PAK3: variants seen among roughly 807,000 people sequenced by gnomAD.
PAK3 encodes the protein serine/threonine-protein kinase PAK 3.
In PAK3, 4 loss-of-function variants were observed where a neutral mutation model predicts 41.0. That is an observed-to-expected ratio of 0.10 (90% CI 0.05 to 0.22). PAK3 has a LOEUF of 0.22. PAK3 is among the 10% of genes least tolerant of loss of function. The probability of loss-of-function intolerance (pLI) is 1.00; values close to 1 mark genes in which losing one functional copy is unlikely to be tolerated. For missense variants in PAK3, 205 were observed against 409.9 expected, an observed-to-expected ratio of 0.50 and a Z score of 4.32; for synonymous variants, 146 against 139.6, an observed-to-expected ratio of 1.05 and a Z score of -0.32.
At chrX:111,162,393 G>A (rs1425753445) in intron 8 of PAK3, among the ~76,000 whole-genome samples, 1 of 111,678 alleles carries the variant, frequency 9.0e-6, no homozygotes, top group East Asian at 2.8e-4. Flanking sequence ...CTTCTTTCCA[G>A]GAGGCTGGAC....
intron 1 of PAK3, among the ~76,000 whole-genome samples, chrX:110,982,614 GT>G (rs1285334094): frequency 4.5e-5 from 5 of 112,098 alleles, no homozygotes; most frequent in African/African-American, 9.7e-5. Flanking sequence ...GTTTTGTTTT[GT>G]TTTGTTTTGC....
chrX:110,966,321 C>G (rs2091080725), intron 1 of PAK3, among the ~76,000 whole-genome samples: 4 of 110,779 alleles, frequency 3.6e-5, no homozygotes, highest in African/African-American at 9.9e-5. Context: ...TCTCTGCCCA[C>G]CAAACCACCT....
intron 11 of PAK3, among the ~76,000 whole-genome samples, chrX:111,179,774 TA>T (rs1414726831): frequency 8.9e-6 from 1 of 111,952 alleles, no homozygotes; most frequent in East Asian, 2.8e-4. Context: ...TATTGCCTTG[TA>T]AAATGTGGCA....
At chrX:111,192,273 G>A in intron 12 of PAK3, 98 bp downstream of exon 12, 1 of 613,528 alleles carries the variant, frequency 1.6e-6, no homozygotes, top group Non-Finnish European at 2.8e-6. Context: ...AAAATGGGTA[G>A]CACTGGGTTG....
chrX:110,976,714 G>A (rs2091338260), intron 1 of PAK3, among the ~76,000 whole-genome samples: 1 of 111,689 alleles, frequency 9.0e-6, no homozygotes. Flanking sequence ...CAACCCAAAT[G>A]TCCATCAATG....
At chrX:111,000,604 GT>G (rs2091829911) in intron 1 of PAK3, among the ~76,000 whole-genome samples, 1 of 111,895 alleles carries the variant, frequency 8.9e-6, no homozygotes, top group Non-Finnish European at 1.9e-5. Flanking sequence ...AATAAGGTCT[GT>G]AGATGAGTTA....
chrX:111,061,961 C>A (rs934697079), intron 1 of PAK3, among the ~76,000 whole-genome samples: 3 of 110,061 alleles, frequency 2.7e-5, no homozygotes, highest in Non-Finnish European at 5.7e-5. Context: ...ACTACAGGCA[C>A]CCACCATAAC....
chrX:111,121,092 T>C (rs1201984870), intron 4 of PAK3, among the ~76,000 whole-genome samples: 1 of 112,480 alleles, frequency 8.9e-6, no homozygotes, highest in East Asian at 2.8e-4. Context: ...CTAGTACCGA[T>C]AGTATCTCTG....
intron 17 of PAK3, among the ~76,000 whole-genome samples, chrX:111,218,202 TTG>T (rs753482582): frequency 1.8e-5 from 2 of 111,931 alleles, no homozygotes; most frequent in East Asian, 5.6e-4. Flanking sequence ...TCTTCAATAT[TTG>T]TGTGTCTTTC....
chrX:111,162,829 T>G, intron 8 of PAK3, 86 bp from the exon 9 acceptor site: 1 of 903,380 alleles, frequency 1.1e-6, no homozygotes, highest in Non-Finnish European at 1.6e-6. Flanking sequence ...CCTACATGCT[T>G]AAATATTTCA....
chrX:111,073,278 A>G (rs1948656991), intron 1 of PAK3, among the ~76,000 whole-genome samples: 1 of 112,117 alleles, frequency 8.9e-6, no homozygotes, highest in Admixed American at 9.5e-5. Context: ...TCAAAAAAGA[A>G]GATCTTAAAT....
chrX:111,005,162 A>G (rs1040393599), intron 1 of PAK3, among the ~76,000 whole-genome samples: 5 of 111,812 alleles, frequency 4.5e-5, no homozygotes, highest in Non-Finnish European at 9.4e-5. Context: ...AATCTGGACT[A>G]AATTCCCTCT....
intron 1 of PAK3, among the ~76,000 whole-genome samples, chrX:110,969,073 A>G (rs1390676919): frequency 7.9e-5 from 7 of 88,750 alleles, no homozygotes; most frequent in Middle Eastern, 0.021. Context: ...GATTAAAGGC[A>G]TGTGCTACCA....
Position 111,152,446 on chromosome X carries a change from C to T in PAK3, c.467C>T (p.Ser156Leu), listed in dbSNP as rs139949467. ...CATGGATACATAGCAGCCCATCCTT[C>T]GGTAAGTGAAAAATTGAAAACTGTT... ...SAHGYIAAHPSSTKTASEPPL... is the reference protein window; with the variant it reads ...SAHGYIAAHPLSTKTASEPPL... The change falls in exon 8 of 18, where the codon TCG (serine) becomes TTG (leucine). Residue 156 changes from serine to leucine, a missense_variant and splice_region_variant. Ser to Leu is a moderately radical substitution (Grantham distance 145, BLOSUM62 -2). Transcript: ENST00000372007. 9 of 1,157,149 alleles carry T rather than the reference C, an allele frequency of 7.8e-6. No homozygotes were observed. Among genetic ancestry groups the T allele is most frequent in the East Asian group, 6.0e-5 (2 of 33,454 alleles).
chrX:110,983,048 G>A (rs1008538027), intron 1 of PAK3, among the ~76,000 whole-genome samples: 1 of 111,130 alleles, frequency 9.0e-6, no homozygotes, highest in Non-Finnish European at 1.9e-5. Context: ...AGCTTCACCT[G>A]CTGGCACTGA....
At chrX:111,032,795 C>A (rs2092355051) in intron 1 of PAK3, among the ~76,000 whole-genome samples, 1 of 110,502 alleles carries the variant, frequency 9.0e-6, no homozygotes, top group African/African-American at 3.3e-5. Context: ...GGTCAGCTCA[C>A]GGGTAACTCA....
At chrX:110,996,709 C>T (rs1007086551) in intron 1 of PAK3, among the ~76,000 whole-genome samples, 1 of 111,570 alleles carries the variant, frequency 9.0e-6, no homozygotes, top group Non-Finnish European at 1.9e-5. Context: ...TATAAGCATA[C>T]AATGAGATGG....
Position 111,203,622 on chromosome X carries a change from T to C in PAK3, c.1407+6982T>C, listed in dbSNP as rs751765371. On this transcript the variant is annotated intron_variant, in intron 16 of 17. Coordinates refer to ENST00000372007, the MANE Select transcript of PAK3 (RefSeq NM_002578.5). The stretch of plus-strand genomic sequence containing the variant: ...ACTTAAAGCACTACAGAAATGTTAG[T>C]TGTTCTTATTTCTTCTTGTGGGAAC... Among the ~76,000 whole-genome samples, 11 of 112,025 alleles carry C rather than the reference T, an allele frequency of 9.8e-5. 1 individual carries two copies. The South Asian group carries it at 4.1e-3, about 42-fold the overall frequency.
chrX:111,007,987 G>T (rs1444537184), intron 1 of PAK3, among the ~76,000 whole-genome samples: 1 of 111,755 alleles, frequency 8.9e-6, no homozygotes, highest in Non-Finnish European at 1.9e-5. Flanking sequence ...TCTGAGCTTT[G>T]GGTTCCTCAT....
Sources: gnomAD v4.1 joint callset for allele counts (sites outside exome capture counted in the v4.1 genomes callset) on GRCh38, gnomAD v4.1.1 for gene constraint, MANE v1.5 for transcripts, NCBI Gene and HGNC (gene_info 2026-07-23, HGNC 2026-07-21) for gene names.